Variants in ANO6 observed in about 807,000 individuals in gnomAD.
ANO6 encodes the protein anoctamin 6, also known as anoctamin-6.
In ANO6, 106 loss-of-function variants were observed where a neutral mutation model predicts 117.5. The ratio of observed to expected loss-of-function variants is 0.90; its 90% CI spans 0.77 to 1.06. ANO6 has a LOEUF of 1.06. ANO6 is among the 50% of genes least tolerant of loss of function. The probability of loss-of-function intolerance (pLI) is 0.00; values close to 1 mark genes in which losing one functional copy is unlikely to be tolerated. For missense variants in ANO6, 955 were observed against 1,121.1 expected (o/e 0.85, Z 2.12); for synonymous variants, 367 against 385.1 (o/e 0.95, Z 0.55).
intron 1 of ANO6, among the ~76,000 whole-genome samples, chr12:45,269,412 G>C (rs1938321973): frequency 6.6e-6 from 1 of 152,202 alleles, no homozygotes; most frequent in Non-Finnish European, 1.5e-5. Flanking sequence ...CCCAGAGGTA[G>C]CTTATGCCCT....
chr12:45,229,588 C>T (rs1405899070), intron 1 of ANO6, among the ~76,000 whole-genome samples: 1 of 152,006 alleles, frequency 6.6e-6, no homozygotes, highest in Non-Finnish European at 1.5e-5. Context: ...CGGGGTTTCA[C>T]CATGTTGGCC....
intron 2 of ANO6, among the ~76,000 whole-genome samples, chr12:45,318,212 GA>G (rs1940121378): frequency 1.3e-5 from 2 of 152,140 alleles, no homozygotes; most frequent in South Asian, 4.1e-4. Flanking sequence ...CCTATGTCCT[GA>G]ATGGTATTGC....
At chr12:45,354,028 T>A (rs1358221090) in intron 7 of ANO6, among the ~76,000 whole-genome samples, 1 of 151,822 alleles carries the variant, frequency 6.6e-6, no homozygotes, top group Admixed American at 6.6e-5. Flanking sequence ...AATAATAGGA[T>A]TGTGAGAAAC....
At chr12:45,424,678 T>C (rs10880782) in intron 19 of ANO6, among the ~76,000 whole-genome samples, 23,318 of 151,894 alleles carry the variant, frequency 0.15, 2,769 homozygotes, top group East Asian at 0.36. Context: ...ATAAGCACTC[T>C]TGTAGTGCTG....
intron 2 of ANO6, among the ~76,000 whole-genome samples, chr12:45,330,309 G>A (rs554526293): frequency 5.3e-5 from 8 of 152,248 alleles, no homozygotes; most frequent in East Asian, 1.9e-4. Context: ...GTAAAATTGT[G>A]TAGCTTCTGT....
rs149670035 is a variant in ANO6 at position 45,253,222 on chromosome 12, C to T, written c.70+36831C>T. ...TTTAATTGCATAAGTATTACATTGTCACTGGAAGAAAATGAGAATATACAG... is the reference window on the plus strand; with the variant it reads ...TTTAATTGCATAAGTATTACATTGTTACTGGAAGAAAATGAGAATATACAG... On this transcript the variant is annotated intron_variant, in intron 1 of 19. Coordinates refer to ENST00000320560, the MANE Select transcript of ANO6 (RefSeq NM_001025356.3). Among the ~76,000 whole-genome samples, 215 of 152,248 alleles carry T rather than the reference C, an allele frequency of 1.4e-3. 1 individual carries two copies. Among genetic ancestry groups the T allele is most frequent in the African/African-American group, 4.9e-3 (205 of 41,544 alleles).
At chr12:45,288,482 A>G (rs866395834) in intron 1 of ANO6, among the ~76,000 whole-genome samples, 1 of 152,184 alleles carries the variant, frequency 6.6e-6, no homozygotes, top group African/African-American at 2.4e-5. Flanking sequence ...ATATATGTGG[A>G]ATCCTACATT....
At chr12:45,429,006 T>C in intron 19 of ANO6, 99 bp from the exon 20 acceptor site, 2 of 1,448,342 alleles carry the variant, frequency 1.4e-6, no homozygotes, top group Non-Finnish European at 1.9e-6. Flanking sequence ...TCCACTGCCT[T>C]GTCCAGATAA....
chr12:45,248,843 TAGTG>T (rs1011097601), intron 1 of ANO6, among the ~76,000 whole-genome samples: 2 of 152,330 alleles, frequency 1.3e-5, no homozygotes, highest in Admixed American at 6.5e-5. Context: ...GGTCCTCACT[TAGTG>T]AGTCTTAGAA....
At position 45,275,731 on chromosome 12, in the gene ANO6, C is replaced by G. The variant is rs78055427; in HGVS notation, c.71-26283C>G. 9.8e-4 allele frequency among the ~76,000 whole-genome samples: 149 copies of G among 152,182 alleles called. 3 individuals are homozygous for G. The East Asian group carries it at 0.023, about 23-fold the overall frequency. On this transcript the variant is annotated intron_variant, in intron 1 of 19. Transcript: ENST00000320560. ...GTGGCTTTAAGCAGTTTTCTATTGC[C>G]TTCTTGAAATTACCTTCTAACTTGG...
At chr12:45,296,269 CCTCATT>C (rs769781791) in intron 1 of ANO6, among the ~76,000 whole-genome samples, 13 of 152,140 alleles carry the variant, frequency 8.5e-5, no homozygotes, top group Non-Finnish European at 1.6e-4. Flanking sequence ...GTGAACATGT[CCTCATT>C]CTCAAGGTGA....
intron 2 of ANO6, among the ~76,000 whole-genome samples, chr12:45,317,113 G>GTGTGTGTGTGTGTGTATATATATA: frequency 3.0e-5 from 2 of 66,446 alleles, no homozygotes; most frequent in African/African-American, 8.2e-5. Flanking sequence ...CTTTTTATAT[G>GTGTGTGTGTGTGTGTATATATATA]TATATATATA....
rs1258670630 is a variant in ANO6 at position 45,272,832 on chromosome 12, A to C, written c.71-29182A>C. On this transcript the variant is annotated intron_variant, in intron 1 of 19. Transcript: ENST00000320560. The stretch of plus-strand genomic sequence containing the variant: ...TATACCCAAAGGGAATGATCTTAGT[A>C]TCTTGAAGAGACATTCACACTTTTG... Among the ~76,000 whole-genome samples, 5 of 152,350 alleles carry C rather than the reference A, an allele frequency of 3.3e-5. No individual in the cohort carries two copies. The South Asian group carries it at 1.0e-3, about 32-fold the overall frequency.
chr12:45,255,325 C>A (rs1008521286), intron 1 of ANO6, among the ~76,000 whole-genome samples: 1 of 152,108 alleles, frequency 6.6e-6, no homozygotes, highest in East Asian at 1.9e-4. Flanking sequence ...CATGGTGAAA[C>A]CCCGTCTCTA....
At chr12:45,323,927 G>A (rs911149597) in intron 2 of ANO6, among the ~76,000 whole-genome samples, 1 of 131,692 alleles carries the variant, frequency 7.6e-6, no homozygotes, top group Non-Finnish European at 1.6e-5. Context: ...TTTTGTTGTT[G>A]TTGTTGTATT....
intron 12 of ANO6, among the ~76,000 whole-genome samples, chr12:45,394,137 AG>A (rs534742358): frequency 9.2e-5 from 14 of 152,186 alleles, no homozygotes; most frequent in Non-Finnish European, 1.9e-4. Flanking sequence ...CTCAAAATAA[AG>A]GGATGGAGGA....
intron 1 of ANO6, among the ~76,000 whole-genome samples, chr12:45,246,585 G>C (rs112647854): frequency 0.011 from 1,652 of 152,212 alleles, 29 homozygotes; most frequent in African/African-American, 0.036. Context: ...ATTCATTCCT[G>C]TAACTAACCT....
chr12:45,328,438 A>T (rs1216293709), intron 2 of ANO6, among the ~76,000 whole-genome samples: 1 of 151,982 alleles, frequency 6.6e-6, no homozygotes, highest in East Asian at 1.9e-4. Flanking sequence ...AAAAAATTTG[A>T]TCTAGTGTCT....
chr12:45,411,564 G>A (rs1254064774), intron 16 of ANO6, among the ~76,000 whole-genome samples: 2 of 152,102 alleles, frequency 1.3e-5, no homozygotes, highest in East Asian at 3.8e-4. Context: ...TTTGGTATTG[G>A]TCTCACCACC....
Sources: allele counts gnomAD v4.1 joint callset (sites outside exome capture counted in the v4.1 genomes callset), GRCh38; gene constraint gnomAD v4.1.1; transcripts MANE v1.5; gene names NCBI Gene and HGNC (gene_info 2026-07-23, HGNC 2026-07-21).